FIBCD1: variants seen among roughly 807,000 people sequenced by gnomAD.
The protein encoded by FIBCD1 is fibrinogen C domain-containing protein 1.
Under a neutral mutation model 45.1 loss-of-function variants are expected in FIBCD1, and 47 were observed. The ratio of observed to expected loss-of-function variants is 1.04; its 90% confidence interval spans 0.82 to 1.33. The LOEUF (loss-of-function observed/expected upper bound fraction) is 1.33, where lower values mean the gene tolerates loss of function less well. FIBCD1 is among the 40% of genes most tolerant of loss of function. The pLI, the probability that FIBCD1 is intolerant of heterozygous loss-of-function variation, is 0.00. For synonymous variants in FIBCD1, 313 were observed against 308.1 expected (o/e 1.02, Z -0.17); for missense variants, 653 against 682.2 (o/e 0.96, Z 0.48).
At chr9:130,921,795 C>G (rs533162301) in intron 4 of FIBCD1, among the ~76,000 whole-genome samples, 2 of 152,206 alleles carry the variant, frequency 1.3e-5, no homozygotes, top group African/African-American at 4.8e-5. Context: ...ACGTTCTTGG[C>G]GTTAGGAAAA....
At chr9:130,907,898 C>CAAAAAAAAAAAA in intron 5 of FIBCD1, among the ~76,000 whole-genome samples, 1 of 78,710 alleles carries the variant, frequency 1.3e-5, no homozygotes, top group Non-Finnish European at 2.7e-5. Flanking sequence ...GACTCTGTCT[C>CAAAAAAAAAAAA]AAAAAAAAAA....
chr9:130,932,015 T>TC (rs2133121805), intron 1 of FIBCD1, among the ~76,000 whole-genome samples: 1 of 152,382 alleles, frequency 6.6e-6, no homozygotes, highest in South Asian at 2.1e-4. Flanking sequence ...GACATTTTTT[T>TC]CCACCCAAAG....
Position 130,911,902 on chromosome 9 carries a change from A to G in FIBCD1, c.850-14T>C, listed in dbSNP as rs372918822. ...GCGCTGAAACACCTGCAAAGGGAAGATGGGGATGGGGCGTTGGCACCGACC... is the reference window on the plus strand; with the variant it reads ...GCGCTGAAACACCTGCAAAGGGAAGGTGGGGATGGGGCGTTGGCACCGACC... On this transcript the variant is annotated splice_polypyrimidine_tract_variant and intron_variant, in intron 4 of 6. Coordinates refer to ENST00000372338, the MANE Select transcript of FIBCD1 (RefSeq NM_032843.5). 6.4e-6 allele frequency: 10 copies of G among 1,559,794 alleles called. No individual in the cohort carries two copies. In the Admixed American group the frequency reaches 1.3e-4, roughly 21 times the overall value.
chr9:130,909,093 G>C (rs925297532), intron 5 of FIBCD1, among the ~76,000 whole-genome samples: 1 of 151,960 alleles, frequency 6.6e-6, no homozygotes, highest in Non-Finnish European at 1.5e-5. Flanking sequence ...TCTCCTTCCC[G>C]CCTAAGCCTC....
chr9:130,923,376 G>A lies in FIBCD1; in HGVS notation c.849+368C>T, dbSNP rs1832294165. Among the ~76,000 whole-genome samples the A allele has an allele frequency of 2.0e-5, 3 of 152,148 alleles. No individual in the cohort carries two copies. In the South Asian group the frequency reaches 6.2e-4, roughly 32 times the overall value. On this transcript the variant is annotated intron_variant, in intron 4 of 6. Transcript: ENST00000372338. ...TGTATTGGGTAGTTCAAAAAGCCGG[G>A]CGCCCACACACATCAGCCCTGGAAC... is the stretch of plus-strand genomic sequence containing the variant.
At position 130,922,591 on chromosome 9, in the gene FIBCD1, C is replaced by CATAG. The variant is rs1419877732; in HGVS notation, c.849+1149_849+1152dup. Among the ~76,000 whole-genome samples, 7 of 152,202 alleles carry CATAG rather than the reference C, an allele frequency of 4.6e-5. No homozygotes were observed. The highest frequency in any genetic ancestry group is 1.7e-4 in the African/African-American group (7 of 41,502). On this transcript the variant is annotated intron_variant, in intron 4 of 6. Coordinates refer to ENST00000372338, the MANE Select transcript of FIBCD1 (RefSeq NM_032843.5). This position sits in a 1 kb window ranked among gnomAD's most constrained non-coding sequence, Gnocchi z 4.5. ...CTGACATCTGCTGTCGGGGTCCCAT[C>CATAG]ATAGACCTGTGGACTGAACGGTCGA...
rs566802439 is a variant in FIBCD1, at chr9:130,904,022, G to A, written c.*42C>T. 12 of 1,601,398 alleles carry A rather than the reference G, an allele frequency of 7.5e-6. No homozygotes were observed. In the South Asian group the frequency reaches 1.1e-4, roughly 15 times the overall value. The stretch of plus-strand genomic sequence containing the variant: ...AAAGAGTGAGGTGGGGTCGGGGATG[G>A]GGCGACAGGGACCAGCAGGGCCAAG... On this transcript the variant is annotated 3_prime_UTR_variant, in exon 7 of 7. Coordinates refer to ENST00000372338, the MANE Select transcript of FIBCD1 (RefSeq NM_032843.5).
intron 2 of FIBCD1, 105 bp from the exon 3 acceptor site, chr9:130,924,501 G>A: frequency 8.6e-7 from 1 of 1,163,450 alleles, no homozygotes; most frequent in South Asian, 1.6e-5. Flanking sequence ...TGAGGCAGAG[G>A]TGGGCTTCTG....
chr9:130,914,871 C>T (rs1243040758), intron 4 of FIBCD1, among the ~76,000 whole-genome samples: 6 of 152,258 alleles, frequency 3.9e-5, no homozygotes, highest in African/African-American at 1.2e-4. Flanking sequence ...AGTCGAGACT[C>T]AGCTCGGGGG....
At chr9:130,911,614 G>C (rs1226344712) in intron 5 of FIBCD1, among the ~76,000 whole-genome samples, 178 bp downstream of exon 5, 1 of 152,234 alleles carries the variant, frequency 6.6e-6, no homozygotes. Context: ...GGCAATGTCT[G>C]GCCTCATTCC....
rs1350959009 is a variant in FIBCD1 at position 130,905,312 on chromosome 9, A to C, written c.1048T>G (p.Phe350Val). ...TCCACGGAGAACAAGCCCACGCCGA[A>C]GCTCCCGTAGCGGGCATAGGCCGTG... ...NGTAYARYGS[F>V]GVGLFSVDPE... Residue 350 changes from phenylalanine to valine, a missense_variant, in exon 6 of 7, where the codon TTC becomes GTC. Physicochemically the swap from Phe to Val is conservative, Grantham distance 50. Coordinates refer to ENST00000372338, the MANE Select transcript of FIBCD1 (RefSeq NM_032843.5). 1 of 1,614,020 alleles carries C rather than the reference A, an allele frequency of 6.2e-7. No individual in the cohort carries two copies. The highest frequency in any genetic ancestry group is 1.7e-5 in the Admixed American group (1 of 60,002).
intron 5 of FIBCD1, among the ~76,000 whole-genome samples, chr9:130,911,280 G>A (rs987544336): frequency 1.3e-5 from 2 of 151,840 alleles, no homozygotes; most frequent in African/African-American, 4.9e-5. Context: ...TACCTTAAGA[G>A]CTATAACACT....
intron 4 of FIBCD1, among the ~76,000 whole-genome samples, chr9:130,921,174 C>T (rs996313299): frequency 6.6e-6 from 1 of 152,230 alleles, no homozygotes; most frequent in Non-Finnish European, 1.5e-5. Flanking sequence ...GTGAGACTGT[C>T]CAGCCCCAGG....
At chr9:130,905,006 TC>T (rs1246960115) in intron 6 of FIBCD1, among the ~76,000 whole-genome samples, 1 of 152,246 alleles carries the variant, frequency 6.6e-6, no homozygotes, top group Admixed American at 6.5e-5. Context: ...TGTTTACTCT[TC>T]CAATTTGAAA....
chr9:130,920,071 G>T (rs1347444649), intron 4 of FIBCD1, among the ~76,000 whole-genome samples: 1 of 152,172 alleles, frequency 6.6e-6, no homozygotes, highest in East Asian at 1.9e-4. Flanking sequence ...CCATTCCCCA[G>T]GCCCTGAAAG....
At position 130,924,305 on chromosome 9, in the gene FIBCD1, C is replaced by T. The variant is rs199596206; in HGVS notation, c.644G>A (p.Arg215Gln). 99 of 1,604,696 alleles carry T rather than the reference C, an allele frequency of 6.2e-5. No homozygotes were observed. The highest frequency in any genetic ancestry group is 5.1e-4 in the African/African-American group (38 of 75,008). Residue 215 changes from arginine (R) to glutamine (Q), a missense_variant, in exon 3 of 7, where the codon CGG becomes CAG. Physicochemically the swap from Arg to Gln is conservative, Grantham distance 43 (BLOSUM62 1). Coordinates refer to ENST00000372338, the MANE Select transcript of FIBCD1 (RefSeq NM_032843.5). ...DALQRDRGLGRPRNKADLQRA... is the reference protein window; with the variant it reads ...DALQRDRGLGQPRNKADLQRA... ...CTGAAGGTCGGCCTTGTTGCGGGGC[C>T]GGCCCAGCCCCCGGTCCCTCTGCAG...
Position 130,923,753 on chromosome 9 carries a change from G to A in FIBCD1, c.840C>T (p.Gly280=), listed in dbSNP as rs758046413. Residue 280 remains glycine (G), a synonymous_variant, in exon 4 of 7, where the codon GGC becomes GGT. Transcript: ENST00000372338. Reference sequence around the variant, plus strand: ...AGCCTGGGACACTCACCGTCCAGCCGCCGCCGTCCGTGCGCATGTCACAGT... The same window carrying A: ...AGCCTGGGACACTCACCGTCCAGCCACCGCCGTCCGTGCGCATGTCACAGT... ...QVYCDMRTDG[G]GWTVFQRRED... The A allele has an allele frequency of 1.1e-5, 18 of 1,611,950 alleles. No homozygotes were observed. Among genetic ancestry groups the A allele is most frequent in the Middle Eastern group, 1.8e-4 (1 of 5,606 alleles).
Position 130,920,273 on chromosome 9 carries a change from A to G in FIBCD1, c.849+3471T>C, listed in dbSNP as rs181563304. Among the ~76,000 whole-genome samples, 205 of 151,960 alleles carry G rather than the reference A, an allele frequency of 1.3e-3. 2 individuals are homozygous for G. Among genetic ancestry groups the G allele is most frequent in the African/African-American group, 4.7e-3 (196 of 41,438 alleles). On this transcript the variant is annotated intron_variant, in intron 4 of 6. Coordinates refer to ENST00000372338, the MANE Select transcript of FIBCD1 (RefSeq NM_032843.5). ...CTTTTTACCACTCCGCCTCCCCTTG[A>G]TTATAAGATGCTACAAGGCAGAGCC...
In FIBCD1 at chr9:130,922,070, C is replaced by G. The variant is rs1033610924; in HGVS notation, c.849+1674G>C. Among the ~76,000 whole-genome samples, 3 of 152,214 alleles carry G rather than the reference C, an allele frequency of 2.0e-5. No individual in the cohort carries two copies. The highest frequency in any genetic ancestry group is 4.4e-5 in the Non-Finnish European group (3 of 68,038). ...CTGACCCAGGCTGCCTGCACCCCTG[C>G]CTCCCCCAAAAACTCCCCGCCAAGA... On this transcript the variant is annotated intron_variant, in intron 4 of 6. Transcript: ENST00000372338. The surrounding 1 kb of genome is among the most constrained non-coding windows in gnomAD (Gnocchi z 4.5).
Sources: allele counts gnomAD v4.1 joint callset (sites outside exome capture counted in the v4.1 genomes callset), GRCh38; gene constraint gnomAD v4.1.1; non-coding constraint Gnocchi (gnomAD v3.1); transcripts MANE v1.5; gene names NCBI Gene and HGNC (gene_info 2026-07-23, HGNC 2026-07-21).